SLC36A1: variants seen among roughly 807,000 people sequenced by gnomAD.
SLC36A1 encodes the protein solute carrier family 36 member 1.
A neutral mutation model predicts 47.5 loss-of-function variants in SLC36A1; 30 were observed. The observed-to-expected ratio is 0.63, with a 90% CI of 0.47 to 0.86. The LOEUF (loss-of-function observed/expected upper bound fraction) is 0.86, where lower values mean the gene tolerates loss of function less well. Among genes scored for constraint, SLC36A1 ranks in the 40% least tolerant of loss-of-function variants. The pLI, the probability that SLC36A1 is intolerant of heterozygous loss-of-function variation, is 0.00. For synonymous variants in SLC36A1, 255 were observed against 249.7 expected (o/e 1.02, Z -0.20); for missense variants, 517 against 606.0 (o/e 0.85, Z 1.54).
rs747807187 is a variant in SLC36A1, at chr5:151,467,784, G to A, written c.582G>A (p.Ser194=). 37 of 1,613,892 alleles carry A rather than the reference G, an allele frequency of 2.3e-5. No homozygotes were observed. The highest frequency in any genetic ancestry group is 3.3e-5 in the South Asian group (3 of 91,056). ...TGATTCTGACGCCTACCATGGACTC[G>A]CGACTCTACATGCTCTCCTTCCTGC... ...ETVILTPTMD[S]RLYMLSFLPF... The change falls in exon 7 of 11, where the codon TCG becomes TCA. Residue 194 remains serine, a synonymous_variant. Coordinates refer to ENST00000243389, the MANE Select transcript of SLC36A1 (RefSeq NM_078483.4).
chr5:151,512,046 G>C, the SLC36A1 span: 8 of 873,748 alleles, frequency 9.2e-6, no homozygotes, highest in East Asian at 2.1e-4. The surrounding 1 kb of genome is among the most constrained non-coding windows in gnomAD (Gnocchi z 4.1). Context: ...TCACAAGTTA[G>C]GGGAAGAGAG....
the SLC36A1 span, among the ~76,000 whole-genome samples, chr5:151,515,903 C>G: frequency 6.6e-6 from 1 of 152,294 alleles, no homozygotes; most frequent in African/African-American, 2.4e-5. Flanking sequence ...CTCCATTTTG[C>G]TCAGAATAAA....
At chr5:151,460,244 C>T (rs1261318040) in intron 2 of SLC36A1, among the ~76,000 whole-genome samples, 1 of 151,894 alleles carries the variant, frequency 6.6e-6, no homozygotes, top group Non-Finnish European at 1.5e-5. Context: ...AAGCTTCCTT[C>T]TCTGTAGTTT....
the SLC36A1 span, among the ~76,000 whole-genome samples, chr5:151,534,968 AAAATATATATATAT>A: frequency 1.1e-4 from 6 of 52,712 alleles, no homozygotes; most frequent in Non-Finnish European, 2.0e-4. Flanking sequence ...CACTTCTAGG[AAAATATATATATAT>A]ATATATATAT....
At chr5:151,437,715 T>A (rs182412856) in intron 1 of SLC36A1, among the ~76,000 whole-genome samples, 3 of 152,218 alleles carry the variant, frequency 2.0e-5, no homozygotes, top group African/African-American at 7.2e-5. Flanking sequence ...TAAAGCTACA[T>A]TTATTTTAGA....
chr5:151,459,296 G>A (rs1412063067), intron 2 of SLC36A1, among the ~76,000 whole-genome samples: 1 of 152,148 alleles, frequency 6.6e-6, no homozygotes, highest in Non-Finnish European at 1.5e-5. Context: ...GTCTCCCCCC[G>A]AATTCTGCCC....
chr5:151,503,428 G>C, the SLC36A1 span, among the ~76,000 whole-genome samples: 3 of 148,394 alleles, frequency 2.0e-5, 1 homozygote, highest in African/African-American at 7.9e-5. Flanking sequence ...TCTGCTCAAG[G>C]CCACATAATT....
chr5:151,544,936 T>C, the SLC36A1 span: 1 of 1,614,156 alleles, frequency 6.2e-7, no homozygotes, highest in Non-Finnish European at 8.5e-7. Context: ...GGGATTGTCA[T>C]TGACATCCTC....
At chr5:151,547,132 T>G in the SLC36A1 span, among the ~76,000 whole-genome samples, 1 of 152,154 alleles carries the variant, frequency 6.6e-6, no homozygotes, top group Non-Finnish European at 1.5e-5. Flanking sequence ...CTTCTTTAAA[T>G]AAAAACACCA....
chr5:151,367,374 T>TTTTCCCC, the SLC36A1 span, among the ~76,000 whole-genome samples: 118 of 145,532 alleles, frequency 8.1e-4, 2 homozygotes, highest in African/African-American at 2.7e-3. Context: ...TTTTTTTTTT[T>TTTTCCCC]CCCCAGGGTA....
At chr5:151,474,159 C>CAAAAAAAAAAAAAAAAAAAAAAAAAAA (rs1156305401) in intron 8 of SLC36A1, among the ~76,000 whole-genome samples, 3 of 59,952 alleles carry the variant, frequency 5.0e-5, no homozygotes, top group African/African-American at 2.5e-4. Context: ...GACTCTGTCT[C>CAAAAAAAAAAAAAAAAAAAAAAAAAAA]AAAAAAAAAA....
intron 2 of SLC36A1, 106 bp downstream of exon 2, chr5:151,459,041 A>T (rs2127472524): frequency 1.5e-6 from 2 of 1,327,142 alleles, no homozygotes; most frequent in Non-Finnish European, 2.0e-6. Flanking sequence ...TTTACAGATG[A>T]AGGTCAGCAG....
intron 2 of SLC36A1, among the ~76,000 whole-genome samples, chr5:151,459,197 A>G (rs1457284393): frequency 6.6e-6 from 1 of 152,164 alleles, no homozygotes; most frequent in Non-Finnish European, 1.5e-5. Context: ...AAAAGCTTCT[A>G]CAGAGGACAT....
At chr5:151,459,712 T>C (rs1755222922) in intron 2 of SLC36A1, 1 of 152,306 alleles carries the variant, frequency 6.6e-6, no homozygotes, top group African/African-American at 2.4e-5. Flanking sequence ...GCTTAGCTAT[T>C]ACCTTTTCTG....
chr5:151,541,588 A>G, the SLC36A1 span, among the ~76,000 whole-genome samples: 1 of 152,178 alleles, frequency 6.6e-6, no homozygotes, highest in Non-Finnish European at 1.5e-5. Context: ...TGGGGATGAG[A>G]AAAAAAGGCC....
the SLC36A1 span, among the ~76,000 whole-genome samples, chr5:151,420,933 C>T: frequency 6.9e-5 from 10 of 145,278 alleles, no homozygotes; most frequent in Admixed American, 1.4e-4. Flanking sequence ...TGCAGTGGCA[C>T]GATCTCTGTG....
At chr5:151,486,182 GGA>G (rs1237215592) in intron 10 of SLC36A1, among the ~76,000 whole-genome samples, 1 of 152,166 alleles carries the variant, frequency 6.6e-6, no homozygotes, top group African/African-American at 2.4e-5. Flanking sequence ...AGGCAAAGGG[GGA>G]GCAGGCTTTA....
In SLC36A1 at chr5:151,458,881, AC is replaced by A. The variant is rs1444603950; in HGVS notation, c.90del (p.Asn30LysfsTer24). On this transcript the variant is annotated frameshift_variant, in exon 2 of 11. Transcript: ENST00000243389. LOFTEE classifies it high-confidence loss of function. ...GAGGAGAGCCCGTCGGAAGGCCTCA[AC>A]AACCTCTCCTCCCCGGGCTCCTACC... ...SPEESPSEGL[N>X]NLSSPGSYQR... is the part of the protein sequence containing the mutation. 6.2e-7 allele frequency: 1 copy of A among 1,613,976 alleles called. No homozygotes were observed. Among genetic ancestry groups the A allele is most frequent in the Non-Finnish European group, 8.5e-7 (1 of 1,180,028 alleles).
the SLC36A1 span, among the ~76,000 whole-genome samples, chr5:151,550,112 G>A: frequency 6.6e-6 from 1 of 152,174 alleles, no homozygotes; most frequent in African/African-American, 2.4e-5. Flanking sequence ...GGGGAAGCAA[G>A]TGAGGCAAGT....
Sources: gnomAD v4.1 joint callset for allele counts (sites outside exome capture counted in the v4.1 genomes callset) on GRCh38, gnomAD v4.1.1 for gene constraint, Gnocchi (gnomAD v3.1) non-coding constraint, MANE v1.5 for transcripts, NCBI Gene and HGNC (gene_info 2026-07-23, HGNC 2026-07-21) for gene names.